FTO: variants seen among roughly 807,000 people sequenced by gnomAD.
FTO encodes the protein FTO alpha-ketoglutarate dependent dioxygenase.
Under a neutral mutation model 63.9 loss-of-function variants are expected in FTO, and 47 were observed. The ratio of observed to expected loss-of-function variants is 0.74; its 90% CI spans 0.58 to 0.94. FTO has a LOEUF of 0.94. FTO is among the 40% of genes least tolerant of loss of function. The probability of loss-of-function intolerance (pLI) is 0.00; values close to 1 mark genes in which losing one functional copy is unlikely to be tolerated. For synonymous variants in FTO, 207 were observed against 224.4 expected, an observed-to-expected ratio of 0.92 and a Z score of 0.69; for missense variants, 562 against 618.1, an observed-to-expected ratio of 0.91 and a Z score of 0.96.
chr16:53,749,342 C>G (rs1387131913), intron 1 of FTO, among the ~76,000 whole-genome samples: 1 of 151,852 alleles, frequency 6.6e-6, no homozygotes, highest in Non-Finnish European at 1.5e-5. Context: ...TGGCAATACT[C>G]TAATACTATA....
At chr16:53,832,975 CA>C (rs2151792957) in intron 3 of FTO, among the ~76,000 whole-genome samples, 1 of 152,246 alleles carries the variant, frequency 6.6e-6, no homozygotes, top group South Asian at 2.1e-4. Context: ...TGATATGGTT[CA>C]GCTGTGTCCC....
intron 8 of FTO, among the ~76,000 whole-genome samples, chr16:54,073,831 A>G (rs1208727820): frequency 1.3e-5 from 2 of 152,186 alleles, no homozygotes; most frequent in African/African-American, 4.8e-5. Flanking sequence ...ATAAAAATTT[A>G]TAGAATACTC....
intron 8 of FTO, among the ~76,000 whole-genome samples, chr16:54,065,133 T>TATTTTATTTTATTTC (rs2085692168): frequency 8.0e-6 from 1 of 125,068 alleles, no homozygotes; most frequent in Non-Finnish European, 1.7e-5. Context: ...TATTTTATTT[T>TATTTTATTTTATTTC]ATTTTATTTT....
chr16:53,931,124 G>T (rs2082270708), intron 7 of FTO, among the ~76,000 whole-genome samples: 1 of 152,086 alleles, frequency 6.6e-6, no homozygotes, highest in South Asian at 2.1e-4. Context: ...GATATGAAAG[G>T]CAAGGAAGAG....
chr16:54,067,173 A>T (rs1226771488), intron 8 of FTO, among the ~76,000 whole-genome samples: 3 of 99,112 alleles, frequency 3.0e-5, no homozygotes, highest in East Asian at 4.3e-4. Context: ...GAATAGACTT[A>T]AAAAAAAAAA....
At chr16:53,953,606 T>C (rs530802037) in intron 8 of FTO, among the ~76,000 whole-genome samples, 28 of 152,358 alleles carry the variant, frequency 1.8e-4, no homozygotes, top group Admixed American at 9.8e-4. Context: ...ATTTAAAATT[T>C]AGCAGCAAAT....
intron 2 of FTO, among the ~76,000 whole-genome samples, chr16:53,811,513 C>T (rs1158085534): frequency 4.6e-5 from 7 of 152,142 alleles, no homozygotes; most frequent in Non-Finnish European, 1.0e-4. Context: ...ATTTGATCTG[C>T]ACCATCTTTC....
intron 8 of FTO, among the ~76,000 whole-genome samples, chr16:54,036,659 G>A (rs1208119805): frequency 2.0e-5 from 3 of 152,236 alleles, no homozygotes; most frequent in African/African-American, 7.2e-5. Flanking sequence ...TCTGTGGATT[G>A]AGTTCTGGCT....
chr16:53,917,990 A>G (rs954014805), intron 7 of FTO, among the ~76,000 whole-genome samples: 1 of 152,184 alleles, frequency 6.6e-6, no homozygotes, highest in Admixed American at 6.5e-5. Context: ...GCTTAGTGAG[A>G]CATAGCTTTG....
chr16:54,002,556 C>T (rs1030104345), intron 8 of FTO, among the ~76,000 whole-genome samples: 2 of 152,192 alleles, frequency 1.3e-5, no homozygotes, highest in South Asian at 2.1e-4. Context: ...GCAGCACAGG[C>T]GTTGCCACTT....
At chr16:53,787,968 C>T (rs1028941469) in intron 1 of FTO, among the ~76,000 whole-genome samples, 1 of 152,148 alleles carries the variant, frequency 6.6e-6, no homozygotes, top group African/African-American at 2.4e-5. Flanking sequence ...CTGCTCAAGT[C>T]TCCTTCCTTC....
At chr16:53,790,579 CAAAA>C (rs34860208) in intron 1 of FTO, among the ~76,000 whole-genome samples, 17 of 55,206 alleles carry the variant, frequency 3.1e-4, no homozygotes, top group African/African-American at 1.2e-3. Flanking sequence ...CAAAATAAAG[CAAAA>C]AAAAAAAAAA....
intron 7 of FTO, among the ~76,000 whole-genome samples, chr16:53,908,732 G>A (rs1248838738): frequency 6.6e-6 from 1 of 152,208 alleles, no homozygotes; most frequent in Non-Finnish European, 1.5e-5. Flanking sequence ...GGTGCCTAGA[G>A]TCACAATCCG....
At chr16:53,795,851 A>G (rs1205907015) in intron 1 of FTO, among the ~76,000 whole-genome samples, 1 of 152,164 alleles carries the variant, frequency 6.6e-6, no homozygotes, top group East Asian at 1.9e-4. Context: ...AGGGGAAGTT[A>G]TAGTTAATTT....
chr16:53,741,508 G>A (rs1598540042), intron 1 of FTO, among the ~76,000 whole-genome samples: 1 of 152,174 alleles, frequency 6.6e-6, no homozygotes, highest in Middle Eastern at 3.4e-3. Flanking sequence ...AATAATAATA[G>A]TAGTAGTAGT....
chr16:53,760,017 C>G (rs1240483677), intron 1 of FTO, among the ~76,000 whole-genome samples: 1 of 152,134 alleles, frequency 6.6e-6, no homozygotes, highest in Non-Finnish European at 1.5e-5. Flanking sequence ...AATCTAGGGT[C>G]TAACCTCTGC....
intron 8 of FTO, among the ~76,000 whole-genome samples, chr16:54,048,350 A>T (rs1282538228): frequency 6.6e-6 from 1 of 151,368 alleles, no homozygotes; most frequent in African/African-American, 2.4e-5. Context: ...CCATCTGGGT[A>T]GGTCTCCCTT....
chr16:53,725,244 C>T (rs1046135492), intron 1 of FTO, among the ~76,000 whole-genome samples: 1 of 152,136 alleles, frequency 6.6e-6, no homozygotes, highest in Admixed American at 6.6e-5. Context: ...AAAGATGTTC[C>T]TGTCTCTCAA....
intron 8 of FTO, among the ~76,000 whole-genome samples, chr16:54,069,065 C>A (rs1297155882): frequency 6.6e-6 from 1 of 152,198 alleles, no homozygotes; most frequent in Non-Finnish European, 1.5e-5. Context: ...TTTTTTTACA[C>A]ATACATAATT....
Sources: gnomAD v4.1 joint callset for allele counts (sites outside exome capture counted in the v4.1 genomes callset) on GRCh38, gnomAD v4.1.1 for gene constraint, MANE v1.5 for transcripts, NCBI Gene and HGNC (gene_info 2026-07-23, HGNC 2026-07-21) for gene names.